The following MTHFS variants were observed in gnomAD, a reference collection of about 807,000 sequenced individuals.
MTHFS encodes methenyltetrahydrofolate synthetase.
MTHFS carries 7 observed loss-of-function variants against 12.7 expected under a neutral mutation model. The observed-to-expected ratio is 0.55, with a 90% CI of 0.31 to 1.03. The LOEUF (loss-of-function observed/expected upper bound fraction) is 1.03. MTHFS is among the 50% of genes least tolerant of loss of function. The probability of loss-of-function intolerance (pLI) is 0.05; values close to 1 mark genes in which losing one functional copy is unlikely to be tolerated. For missense variants in MTHFS, 252 were observed against 258.1 expected, an observed-to-expected ratio of 0.98 and a Z score of 0.16; for synonymous variants, 100 against 97.1, an observed-to-expected ratio of 1.03 and a Z score of -0.18.
At position 79,844,485 on chromosome 15, in the gene MTHFS, G is replaced by C. The variant is rs1353237205; in HGVS notation, c.*725C>G. Reference sequence around the variant, plus strand: ...ACAACAAAATTATTGCTCCCTAGCTGTGTTGCCATCTGCCAACTTTCAACT... The same window carrying C: ...ACAACAAAATTATTGCTCCCTAGCTCTGTTGCCATCTGCCAACTTTCAACT... On this transcript the variant is annotated 3_prime_UTR_variant, in exon 3 of 3. Coordinates refer to ENST00000258874, the MANE Select transcript of MTHFS (RefSeq NM_006441.4). Among the ~76,000 whole-genome samples, 2 of 152,062 alleles carry C rather than the reference G, an allele frequency of 1.3e-5. No homozygotes were observed. The highest frequency in any genetic ancestry group is 2.4e-5 in the African/African-American group (1 of 41,396).
At chr15:79,873,447 T>C (rs530796350) in intron 2 of MTHFS, among the ~76,000 whole-genome samples, 3 of 152,304 alleles carry the variant, frequency 2.0e-5, no homozygotes, top group Admixed American at 6.5e-5. Context: ...TGGACTGTTA[T>C]TACATTATGC....
At chr15:79,870,351 G>A (rs931070769) in intron 2 of MTHFS, among the ~76,000 whole-genome samples, 6 of 152,052 alleles carry the variant, frequency 3.9e-5, no homozygotes, top group East Asian at 1.9e-4. Flanking sequence ...TGGCACAATC[G>A]AGCTGCTGTC....
chr15:79,894,360 G>A (rs755134243), intron 1 of MTHFS, among the ~76,000 whole-genome samples: 53 of 152,014 alleles, frequency 3.5e-4, no homozygotes, highest in Non-Finnish European at 6.9e-4. Context: ...CAGCCTGGGC[G>A]ACAGAGCAAG....
intron 2 of MTHFS, among the ~76,000 whole-genome samples, chr15:79,853,759 C>G (rs2033754073): frequency 6.6e-6 from 1 of 152,212 alleles, no homozygotes; most frequent in African/African-American, 2.4e-5. Context: ...AGAGCAGGAG[C>G]CGTGATGGCT....
intron 2 of MTHFS, among the ~76,000 whole-genome samples, chr15:79,874,878 C>T (rs1454183730): frequency 6.6e-6 from 1 of 152,120 alleles, no homozygotes; most frequent in African/African-American, 2.4e-5. Context: ...CCCTTGTTCC[C>T]TGAACATCGC....
intron 2 of MTHFS, among the ~76,000 whole-genome samples, chr15:79,869,580 G>C (rs1013375337): frequency 6.6e-6 from 1 of 152,090 alleles, no homozygotes; most frequent in South Asian, 2.1e-4. Context: ...GACTACAGTT[G>C]TATGCCAACA....
At chr15:79,896,757 G>A (rs1162056364) in intron 1 of MTHFS, 115 bp downstream of exon 1, 8 of 1,446,846 alleles carry the variant, frequency 5.5e-6, no homozygotes, top group East Asian at 2.8e-5. Flanking sequence ...GCGCCGGGGG[G>A]TGGGGGGGCG....
intron 2 of MTHFS, among the ~76,000 whole-genome samples, chr15:79,883,728 A>G (rs2034336513): frequency 6.6e-6 from 1 of 152,148 alleles, no homozygotes; most frequent in African/African-American, 2.4e-5. Context: ...CAACAACACA[A>G]TTAGTCAGTA....
intron 2 of MTHFS, among the ~76,000 whole-genome samples, chr15:79,853,390 T>C (rs1016216122): frequency 4.6e-5 from 7 of 152,140 alleles, no homozygotes; most frequent in African/African-American, 1.7e-4. Flanking sequence ...TTGAATCCCA[T>C]AACAACCATT....
intron 2 of MTHFS, among the ~76,000 whole-genome samples, chr15:79,879,105 A>T (rs2034251405): frequency 6.6e-6 from 1 of 151,930 alleles, no homozygotes; most frequent in African/African-American, 2.4e-5. Context: ...AAAAAATTTA[A>T]CACAAAAAAT....
chr15:79,886,502 GA>G (rs1175916749), intron 2 of MTHFS, among the ~76,000 whole-genome samples: 1 of 151,536 alleles, frequency 6.6e-6, no homozygotes, highest in East Asian at 1.9e-4. Context: ...ATGCATGGGG[GA>G]AAAAAGCCAC....
intron 2 of MTHFS, among the ~76,000 whole-genome samples, chr15:79,873,085 G>A (rs2034134265): frequency 6.6e-6 from 1 of 152,120 alleles, no homozygotes; most frequent in African/African-American, 2.4e-5. Context: ...AGGAAGCTCA[G>A]GGCTTCAGGA....
chr15:79,853,880 A>G (rs932609057), intron 2 of MTHFS, among the ~76,000 whole-genome samples: 2 of 152,248 alleles, frequency 1.3e-5, no homozygotes, highest in African/African-American at 2.4e-5. Context: ...AAACCAAGAA[A>G]AATGAAGTTG....
chr15:79,892,384 T>C (rs1567000024), intron 1 of MTHFS, among the ~76,000 whole-genome samples: 1 of 152,058 alleles, frequency 6.6e-6, no homozygotes, highest in African/African-American at 2.4e-5. Context: ...AAAGAATCTA[T>C]TGATAAGATA....
intron 2 of MTHFS, among the ~76,000 whole-genome samples, chr15:79,881,738 G>A (rs914209919): frequency 6.6e-5 from 10 of 152,174 alleles, no homozygotes; most frequent in Non-Finnish European, 1.3e-4. Flanking sequence ...GCTGTCAAGA[G>A]AGAGAAAATC....
chr15:79,846,725 C>T (rs1232342065), intron 2 of MTHFS, among the ~76,000 whole-genome samples: 1 of 152,226 alleles, frequency 6.6e-6, no homozygotes, highest in Non-Finnish European at 1.5e-5. Context: ...TGTCTTTCCT[C>T]CCTGTTCCTG....
intron 2 of MTHFS, among the ~76,000 whole-genome samples, chr15:79,861,081 A>ACTTAT (rs2033905404): frequency 1.3e-5 from 2 of 152,138 alleles, no homozygotes; most frequent in Non-Finnish European, 2.9e-5. Flanking sequence ...ATCATCAAGC[A>ACTTAT]CTTATATGCA....
chr15:79,849,448 T>C (rs905667688), intron 2 of MTHFS, among the ~76,000 whole-genome samples: 20 of 152,102 alleles, frequency 1.3e-4, no homozygotes. Context: ...ATGTTTTTCC[T>C]CCTCAAAGGT....
At chr15:79,886,870 A>G (rs920213270) in intron 2 of MTHFS, among the ~76,000 whole-genome samples, 1 of 152,216 alleles carries the variant, frequency 6.6e-6, no homozygotes, top group Non-Finnish European at 1.5e-5. Context: ...CTTATAATGA[A>G]TAATTCTGAC....
Sources: gnomAD v4.1 joint callset for allele counts (sites outside exome capture counted in the v4.1 genomes callset) on GRCh38, gnomAD v4.1.1 for gene constraint, MANE v1.5 for transcripts, NCBI Gene and HGNC (gene_info 2026-07-23, HGNC 2026-07-21) for gene names.